The following LGMN variants were observed in gnomAD, a reference collection of about 807,000 sequenced individuals.
LGMN encodes the protein legumain.
In LGMN, 36 loss-of-function variants were observed where a neutral mutation model predicts 56.8. That is an observed-to-expected ratio of 0.63 (90% confidence interval 0.49 to 0.84). The LOEUF (loss-of-function observed/expected upper bound fraction) is 0.84. Among genes scored for constraint, LGMN ranks in the 40% least tolerant of loss-of-function variants. LGMN has a pLI of 0.00. For missense variants in LGMN, 446 were observed against 556.1 expected (o/e 0.80, Z 1.99); for synonymous variants, 199 against 210.1 (o/e 0.95, Z 0.46).
Position 92,703,966 on chromosome 14 carries a change from C to A in LGMN, c.*353G>T, listed in dbSNP as rs1381685504. ...TCATTCTGAAGATTTAAAGAGGTTTCAGCTTCAAATTCTCAGAATAAAGAC... is the reference window on the plus strand; with the variant it reads ...TCATTCTGAAGATTTAAAGAGGTTTAAGCTTCAAATTCTCAGAATAAAGAC... On this transcript the variant is annotated 3_prime_UTR_variant, in exon 14 of 14. Transcript: ENST00000334869. The A allele has an allele frequency of 1.7e-6, 1 of 593,172 alleles. No individual in the cohort carries two copies. Among genetic ancestry groups the A allele is most frequent in the East Asian group, 2.9e-5 (1 of 34,666 alleles). The allele number at this position is 593,172 out of a possible 1,614,324, so 36.7% of individuals were successfully genotyped here.
chr14:92,719,200 A>ACATATATAGGT (rs1566923836), intron 2 of LGMN, among the ~76,000 whole-genome samples: 2 of 118,066 alleles, frequency 1.7e-5, no homozygotes, highest in African/African-American at 7.6e-5. Flanking sequence ...CACCGCCACC[A>ACATATATAGGT]ACACCACCAC....
At chr14:92,716,269 C>A (rs1890069498) in intron 4 of LGMN, 48 bp from the exon 5 acceptor site, 12 of 1,405,654 alleles carry the variant, frequency 8.5e-6, no homozygotes, top group Non-Finnish European at 1.2e-5. Context: ...CGCTCCAACC[C>A]AGAGAGTTGG....
chr14:92,704,748 C>T, intron 12 of LGMN, 41 bp from the exon 13 acceptor site: 1 of 1,507,550 alleles, frequency 6.6e-7, no homozygotes, highest in African/African-American at 1.4e-5. Flanking sequence ...TTCCTCATCT[C>T]ACCACACAAT....
intron 10 of LGMN, 114 bp from the exon 11 acceptor site, chr14:92,709,986 A>G: frequency 1.3e-6 from 1 of 770,986 alleles, no homozygotes; most frequent in East Asian, 2.7e-5. Flanking sequence ...GAGGTGCCCA[A>G]CATACCCCAA....
intron 2 of LGMN, among the ~76,000 whole-genome samples, chr14:92,729,292 A>C (rs1890909357): frequency 6.6e-6 from 1 of 150,758 alleles, no homozygotes; most frequent in Non-Finnish European, 1.5e-5. Flanking sequence ...TCTGGCACTC[A>C]TGCTTGGCTG....
At chr14:92,711,466 A>G (rs137872969) in intron 10 of LGMN, among the ~76,000 whole-genome samples, 193 bp downstream of exon 10, 61 of 152,342 alleles carry the variant, frequency 4.0e-4, no homozygotes, top group African/African-American at 1.4e-3. Context: ...CAACTCTGCA[A>G]GTTTGAACCT....
chr14:92,719,314 GCCGCCGCCGCCA>G lies in LGMN; in HGVS notation c.139-482_139-471del, dbSNP rs1237292589. Among the ~76,000 whole-genome samples the G allele has an allele frequency of 6.0e-3, 112 of 18,664 alleles. 4 individuals are homozygous for G. In the East Asian group the frequency reaches 0.084, roughly 14 times the overall value. The allele number at this position is 18,664 out of a possible 152,430, so 12.2% of individuals were successfully genotyped here. A position where few individuals can be genotyped will look rare whatever the true frequency, so the allele number is the denominator to read the frequency against. ...CGCCGCCGCCGCCACCGCCGCCACC[GCCGCCGCCGCCA>G]CCGCCACCGCCATCACCGCCACCAC... On this transcript the variant is annotated intron_variant, in intron 2 of 13. Transcript: ENST00000334869.
chr14:92,737,053 C>A (rs527890372), intron 1 of LGMN, among the ~76,000 whole-genome samples: 1 of 152,216 alleles, frequency 6.6e-6, no homozygotes, highest in African/African-American at 2.4e-5. Flanking sequence ...GGAAAGCCTT[C>A]CCCTAGGGTA....
chr14:92,719,357 ACACCACCACCAC>A (rs1179130962), intron 2 of LGMN, among the ~76,000 whole-genome samples: 1 of 45,666 alleles, frequency 2.2e-5, no homozygotes, highest in African/African-American at 9.5e-5. Flanking sequence ...ACCACCACCA[ACACCACCACCAC>A]CACCAACACC....
chr14:92,742,557 G>T (rs142356875), intron 1 of LGMN, among the ~76,000 whole-genome samples: 1 of 152,144 alleles, frequency 6.6e-6, no homozygotes, highest in African/African-American at 2.4e-5. Flanking sequence ...AAAGTGCTGG[G>T]ATTACAGATG....
intron 12 of LGMN, 164 bp downstream of exon 12, chr14:92,706,319 T>C (rs1889425826): frequency 3.7e-6 from 2 of 534,002 alleles, no homozygotes; most frequent in South Asian, 1.0e-4. Context: ...GGGCCAAGAT[T>C]TAAAATTAGT....
chr14:92,706,181 C>T (rs916286059), intron 12 of LGMN, among the ~76,000 whole-genome samples: 25 of 152,014 alleles, frequency 1.6e-4, no homozygotes, highest in Non-Finnish European at 2.6e-4. Flanking sequence ...GGGGTAGAGA[C>T]GAGGGTGGGG....
chr14:92,741,182 G>A (rs1440225324), intron 1 of LGMN: 2 of 147,430 alleles, frequency 1.4e-5, no homozygotes, highest in African/African-American at 2.5e-5. Flanking sequence ...GTAAGACCCT[G>A]TCAAGAAAAG....
At chr14:92,741,410 C>T (rs1188799681) in intron 1 of LGMN, 4 of 152,128 alleles carry the variant, frequency 2.6e-5, no homozygotes, top group Non-Finnish European at 5.9e-5. Flanking sequence ...CAGGAGTGAC[C>T]CCTCAGTGCC....
chr14:92,707,934 T>C (rs1885753), intron 11 of LGMN, among the ~76,000 whole-genome samples: 96,427 of 151,942 alleles, frequency 0.63, 30,866 homozygotes, highest in East Asian at 0.76. Context: ...GGTGGATCAC[T>C]TGAGGCCAGG....
Position 92,704,004 on chromosome 14 carries a change from G to T in LGMN, c.*315C>A. 1.5e-6 allele frequency: 1 copy of T among 661,728 alleles called. No homozygotes were observed. The highest frequency in any genetic ancestry group is 2.7e-5 in the East Asian group (1 of 36,894). The allele number at this position is 661,728 out of a possible 1,614,324, so 41.0% of individuals were successfully genotyped here. ...TCAGAATAAAGACTCCTTTTGAGAG[G>T]GGCTACAGAAGCCCCCATGAGCTTC... On this transcript the variant is annotated 3_prime_UTR_variant, in exon 14 of 14. Coordinates refer to ENST00000334869, the MANE Select transcript of LGMN (RefSeq NM_005606.7).
chr14:92,719,388 C>A (rs1351269277), intron 2 of LGMN, among the ~76,000 whole-genome samples: 1 of 150,468 alleles, frequency 6.6e-6, no homozygotes, highest in Non-Finnish European at 1.5e-5. Context: ...CCGCCACCAA[C>A]ACCGCCACCA....
intron 11 of LGMN, 102 bp from the exon 12 acceptor site, chr14:92,706,755 C>T: frequency 9.7e-7 from 1 of 1,031,264 alleles, no homozygotes; most frequent in Non-Finnish European, 1.3e-6. Context: ...CTCCACACAG[C>T]CCTCAGCCTC....
At chr14:92,732,564 C>A (rs1200629309) in intron 2 of LGMN, 85 bp downstream of exon 2, 18 of 1,483,648 alleles carry the variant, frequency 1.2e-5, no homozygotes, top group Middle Eastern at 2.1e-4. Context: ...CTTTTCAAGT[C>A]TTTTCTATTT....
Sources: allele counts gnomAD v4.1 joint callset (sites outside exome capture counted in the v4.1 genomes callset), GRCh38; gene constraint gnomAD v4.1.1; transcripts MANE v1.5; gene names NCBI Gene and HGNC (gene_info 2026-07-23, HGNC 2026-07-21).